CDH18: variants seen among roughly 807,000 people sequenced by gnomAD.
CDH18 encodes the protein cadherin-18.
Under a neutral mutation model 67.9 loss-of-function variants are expected in CDH18, and 31 were observed. The observed-to-expected ratio is 0.46, with a 90% CI of 0.34 to 0.62. The LOEUF is 0.62. Ranked by LOEUF, CDH18 falls within the 20% of genes least tolerant of loss-of-function variation. The pLI is 0.01. For synonymous variants in CDH18, 362 were observed against 347.2 expected, an observed-to-expected ratio of 1.04 and a Z score of -0.48; for missense variants, 890 against 975.5, an observed-to-expected ratio of 0.91 and a Z score of 1.17.
intron 2 of CDH18, among the ~76,000 whole-genome samples, chr5:20,129,372 A>G (rs1749083200): frequency 6.6e-6 from 1 of 152,064 alleles, no homozygotes; most frequent in South Asian, 2.1e-4. Context: ...ATTTTACACA[A>G]TTTGCTTTTT....
chr5:19,825,160 T>C (rs1341104851), intron 3 of CDH18, among the ~76,000 whole-genome samples: 1 of 152,088 alleles, frequency 6.6e-6, no homozygotes, highest in African/African-American at 2.4e-5. Flanking sequence ...CACTTCTGTG[T>C]GAACTCAGCA....
intron 1 of CDH18, among the ~76,000 whole-genome samples, chr5:20,295,872 C>CTTTT (rs35024141): frequency 8.2e-5 from 9 of 109,978 alleles, no homozygotes; most frequent in South Asian, 2.8e-4. Flanking sequence ...TCTTTTTTTT[C>CTTTT]TTTTTTTTTT....
chr5:20,136,821 A>T (rs1006670914), intron 2 of CDH18, among the ~76,000 whole-genome samples: 1 of 152,090 alleles, frequency 6.6e-6, no homozygotes, highest in Non-Finnish European at 1.5e-5. Context: ...TTGTCTGTAA[A>T]GGATTTTATT....
intron 1 of CDH18, among the ~76,000 whole-genome samples, chr5:20,559,765 A>G (rs1707248496): frequency 6.6e-6 from 1 of 152,132 alleles, no homozygotes; most frequent in African/African-American, 2.4e-5. Context: ...CTACAAGATC[A>G]AGGTTGAAAA....
chr5:20,009,827 T>C (rs1737244518), intron 2 of CDH18, among the ~76,000 whole-genome samples: 1 of 152,050 alleles, frequency 6.6e-6, no homozygotes, highest in Non-Finnish European at 1.5e-5. Context: ...TTGCTTCTTG[T>C]TCTTTGTTTT....
chr5:20,267,917 G>A (rs193120112), intron 1 of CDH18, among the ~76,000 whole-genome samples: 1 of 152,282 alleles, frequency 6.6e-6, no homozygotes, highest in African/African-American at 2.4e-5. Context: ...GAACAGAGTA[G>A]CCAATAGGTA....
At chr5:20,459,549 T>C (rs1178883895) in intron 1 of CDH18, among the ~76,000 whole-genome samples, 2 of 152,176 alleles carry the variant, frequency 1.3e-5, no homozygotes, top group Non-Finnish European at 2.9e-5. Flanking sequence ...CACTTGATCA[T>C]CTTTCCCTTC....
In CDH18 at chr5:20,326,326, T is replaced by A. The variant is rs562423007; in HGVS notation, c.-579-70821A>T. On this transcript the variant is annotated intron_variant, in intron 1 of 14. Coordinates refer to the CDH18 transcript ENST00000507958. The stretch of plus-strand genomic sequence containing the variant: ...TGGCTTGTTACCATTTATATATTTT[T>A]AAAGTATCATTTATCATTTAAAAAT... Among the ~76,000 whole-genome samples the A allele has an allele frequency of 2.9e-4, 44 of 152,284 alleles. No homozygotes were observed. The South Asian group carries it at 8.3e-3, about 29-fold the overall frequency.
At chr5:19,608,279 A>G (rs1748390081) in intron 6 of CDH18, among the ~76,000 whole-genome samples, 2 of 151,768 alleles carry the variant, frequency 1.3e-5, no homozygotes, top group African/African-American at 2.4e-5. Context: ...GTTTCAAAAT[A>G]TATGCCTACA....
intron 1 of CDH18, among the ~76,000 whole-genome samples, chr5:20,332,742 A>T (rs1370874040): frequency 3.3e-5 from 5 of 152,230 alleles, no homozygotes; most frequent in Non-Finnish European, 7.3e-5. Context: ...TACATTTCAT[A>T]AAAACTTATA....
At chr5:20,372,915 T>A (rs543358367) in intron 1 of CDH18, among the ~76,000 whole-genome samples, 1 of 152,264 alleles carries the variant, frequency 6.6e-6, no homozygotes, top group East Asian at 1.9e-4. Flanking sequence ...GTCTAAGAGA[T>A]TTGGGGAAAG....
At chr5:20,076,050 A>G (rs1262023387) in intron 2 of CDH18, among the ~76,000 whole-genome samples, 1 of 152,188 alleles carries the variant, frequency 6.6e-6, no homozygotes, top group East Asian at 1.9e-4. Context: ...ACTGGGCAAT[A>G]TATCTATGTA....
At chr5:19,851,681 C>A (rs568033870) in intron 2 of CDH18, among the ~76,000 whole-genome samples, 1 of 151,868 alleles carries the variant, frequency 6.6e-6, no homozygotes, top group Non-Finnish European at 1.5e-5. Flanking sequence ...CTACCACATA[C>A]CACATATTGT....
intron 1 of CDH18, among the ~76,000 whole-genome samples, chr5:20,521,092 T>A (rs1052033613): frequency 7.9e-5 from 12 of 152,098 alleles, no homozygotes; most frequent in African/African-American, 2.9e-4. Flanking sequence ...GAGAGAAGAT[T>A]AAAAATGAAA....
At chr5:20,251,148 G>A (rs1743827743) in intron 2 of CDH18, among the ~76,000 whole-genome samples, 1 of 152,012 alleles carries the variant, frequency 6.6e-6, no homozygotes, top group African/African-American at 2.4e-5. Context: ...AAAAATGTTT[G>A]GTATAAATAT....
intron 3 of CDH18, among the ~76,000 whole-genome samples, chr5:19,752,865 G>GACA (rs1771039706): frequency 6.6e-6 from 1 of 152,174 alleles, no homozygotes; most frequent in African/African-American, 2.4e-5. Context: ...ACTTTGTACA[G>GACA]ACAACACCCA....
At chr5:19,768,954 A>G (rs1210298316) in intron 3 of CDH18, among the ~76,000 whole-genome samples, 6 of 152,088 alleles carry the variant, frequency 3.9e-5, no homozygotes, top group African/African-American at 1.4e-4. Flanking sequence ...ACAACAACAG[A>G]TTTAAAAGAA....
intron 3 of CDH18, among the ~76,000 whole-genome samples, chr5:19,783,843 A>G (rs1775396834): frequency 1.3e-5 from 2 of 152,160 alleles, no homozygotes. Context: ...GACTCATACA[A>G]ACTCTTCATG....
intron 5 of CDH18, among the ~76,000 whole-genome samples, chr5:19,698,438 A>G (rs1762811369): frequency 1.3e-5 from 2 of 152,110 alleles, no homozygotes; most frequent in Admixed American, 6.6e-5. Context: ...TCTCAATATT[A>G]TATATGGATC....
Sources: allele counts gnomAD v4.1 joint callset (sites outside exome capture counted in the v4.1 genomes callset), GRCh38; gene constraint gnomAD v4.1.1; transcripts MANE v1.5; gene names NCBI Gene and HGNC (gene_info 2026-07-23, HGNC 2026-07-21).